The following DLGAP2 variants were observed in gnomAD, a reference collection of about 807,000 sequenced individuals.
DLGAP2 encodes DLG associated protein 2, also known as disks large-associated protein 2.
A neutral mutation model predicts 100.3 loss-of-function variants in DLGAP2; 26 were observed. That is an observed-to-expected ratio of 0.26 (90% CI 0.19 to 0.36). The LOEUF is 0.36. DLGAP2 is among the 10% of genes least tolerant of loss of function. The pLI is 1.00. For synonymous variants in DLGAP2, 886 were observed against 630.1 expected, an observed-to-expected ratio of 1.41 and a Z score of -6.08; for missense variants, 1,858 against 1,453.2, an observed-to-expected ratio of 1.28 and a Z score of -4.53.
chr8:1,619,105 C>G (rs918809850), intron 6 of DLGAP2, among the ~76,000 whole-genome samples: 2 of 152,142 alleles, frequency 1.3e-5, no homozygotes, highest in South Asian at 2.1e-4. Flanking sequence ...GTCTGTCTGA[C>G]AAAGGGCTTG....
intron 3 of DLGAP2, among the ~76,000 whole-genome samples, chr8:1,265,178 A>G (rs1008114659): frequency 6.6e-6 from 1 of 152,230 alleles, no homozygotes; most frequent in African/African-American, 2.4e-5. Context: ...AGACTTGCCT[A>G]GATATTGGAT....
At chr8:900,694 T>C (rs1396596210) in intron 1 of DLGAP2, among the ~76,000 whole-genome samples, 1 of 152,146 alleles carries the variant, frequency 6.6e-6, no homozygotes, top group East Asian at 1.9e-4. Flanking sequence ...AGGAGGCGGC[T>C]GCAGCCCGAA....
At chr8:1,687,089 T>G (rs1032817727) in intron 12 of DLGAP2, among the ~76,000 whole-genome samples, 1 of 152,102 alleles carries the variant, frequency 6.6e-6, no homozygotes, top group African/African-American at 2.4e-5. Context: ...CTGGGAGCCA[T>G]AGCTTAGGCA....
chr8:978,764 G>T (rs1800241493), intron 2 of DLGAP2, among the ~76,000 whole-genome samples: 1 of 152,112 alleles, frequency 6.6e-6, no homozygotes, highest in Non-Finnish European at 1.5e-5. Flanking sequence ...TTTCAATGGT[G>T]GGATTTTCCC....
chr8:872,070 G>T (rs1390125223), intron 1 of DLGAP2, among the ~76,000 whole-genome samples: 1 of 151,968 alleles, frequency 6.6e-6, no homozygotes, highest in African/African-American at 2.4e-5. Context: ...TTATATCATT[G>T]TTTTCATTGC....
intron 2 of DLGAP2, among the ~76,000 whole-genome samples, chr8:1,059,069 A>G (rs1184676985): frequency 2.0e-5 from 3 of 152,180 alleles, no homozygotes; most frequent in Non-Finnish European, 4.4e-5. Flanking sequence ...CCATGTGTCC[A>G]TGTGTCCATG....
chr8:1,218,777 C>T (rs889250858), intron 2 of DLGAP2, among the ~76,000 whole-genome samples: 19 of 152,032 alleles, frequency 1.2e-4, no homozygotes, highest in African/African-American at 4.3e-4. Context: ...AATGTTTTTC[C>T]ATTGACTTGT....
chr8:1,342,966 A>G (rs1232858717), intron 3 of DLGAP2, among the ~76,000 whole-genome samples: 2 of 152,204 alleles, frequency 1.3e-5, no homozygotes, highest in East Asian at 1.9e-4. Context: ...CCTCTGGCAC[A>G]TGGTCGTGCA....
intron 4 of DLGAP2, among the ~76,000 whole-genome samples, chr8:1,543,498 C>A (rs1186140195): frequency 1.3e-5 from 2 of 152,212 alleles, no homozygotes; most frequent in African/African-American, 4.8e-5. Flanking sequence ...ATCACATGTG[C>A]AGGTGCATGT....
At chr8:1,071,996 G>A (rs1038472426) in intron 2 of DLGAP2, among the ~76,000 whole-genome samples, 4 of 152,122 alleles carry the variant, frequency 2.6e-5, no homozygotes, top group Non-Finnish European at 5.9e-5. Context: ...GACATTGGCC[G>A]GCCAGCGCTG....
intron 2 of DLGAP2, among the ~76,000 whole-genome samples, chr8:984,603 T>C (rs1165682622): frequency 6.6e-6 from 1 of 152,188 alleles, no homozygotes; most frequent in African/African-American, 2.4e-5. Flanking sequence ...AGAACAGCTC[T>C]TGACACATCT....
intron 3 of DLGAP2, among the ~76,000 whole-genome samples, chr8:1,345,697 G>C (rs186849103): frequency 4.1e-4 from 63 of 152,306 alleles, no homozygotes; most frequent in African/African-American, 1.5e-3. Flanking sequence ...ATGCACAGAG[G>C]GTGGTGAAGG....
At chr8:1,697,467 C>T (rs565811018) in intron 14 of DLGAP2, among the ~76,000 whole-genome samples, 168 bp downstream of exon 14, 16 of 152,158 alleles carry the variant, frequency 1.1e-4, no homozygotes, top group African/African-American at 2.2e-4. Flanking sequence ...CATGTGTGTG[C>T]GTGTGTGTGC....
intron 2 of DLGAP2, among the ~76,000 whole-genome samples, chr8:1,197,041 G>A (rs969077279): frequency 6.6e-6 from 1 of 152,176 alleles, no homozygotes; most frequent in African/African-American, 2.4e-5. Flanking sequence ...GTCAGGAGGA[G>A]ATGGAGGCCT....
intron 1 of DLGAP2, among the ~76,000 whole-genome samples, chr8:840,671 C>T (rs1796966788): frequency 7.4e-6 from 1 of 135,934 alleles, no homozygotes; most frequent in South Asian, 2.4e-4. Flanking sequence ...GCGAGCGCGT[C>T]CACACGGTGC....
intron 3 of DLGAP2, among the ~76,000 whole-genome samples, chr8:1,441,766 G>C (rs964026940): frequency 6.7e-6 from 1 of 150,062 alleles, no homozygotes. Flanking sequence ...GTGAGAGTGG[G>C]CTTTCAACAG....
chr8:887,890 C>G (rs985432645), intron 1 of DLGAP2, among the ~76,000 whole-genome samples: 3 of 152,134 alleles, frequency 2.0e-5, no homozygotes, highest in Admixed American at 6.6e-5. Context: ...ATGGTGTTCT[C>G]TGTATTTCCT....
chr8:1,255,036 C>CCGGCTGCTGTGTGTGTGTCCTCT (rs1799154583), intron 2 of DLGAP2, among the ~76,000 whole-genome samples: 2 of 64,784 alleles, frequency 3.1e-5, no homozygotes, highest in African/African-American at 4.8e-5. Flanking sequence ...CTTCTCCTGC[C>CCGGCTGCTGTGTGTGTGTCCTCT]CAGCCGCTGT....
chr8:1,089,097 A>G lies in DLGAP2; in HGVS notation c.74-169754A>G, dbSNP rs536012971. ...CACCCCTCGTCCAGCAGGCTATGCA[A>G]TTCTTGCTCCCCGGCCTCACTCTCT... is the stretch of plus-strand genomic sequence containing the variant. On this transcript the variant is annotated intron_variant, in intron 2 of 14. Transcript: ENST00000637795. 6.6e-4 allele frequency among the ~76,000 whole-genome samples: 83 copies of G among 125,494 alleles called. 1 individual carries two copies. The highest frequency in any genetic ancestry group is 2.4e-3 in the African/African-American group (78 of 32,028). The allele number at this position is 125,494 out of a possible 152,430, so 82.3% of individuals were successfully genotyped here. A position where few individuals can be genotyped will look rare whatever the true frequency, so the allele number is the denominator to read the frequency against.
Sources: gnomAD v4.1 joint callset for allele counts (sites outside exome capture counted in the v4.1 genomes callset) on GRCh38, gnomAD v4.1.1 for gene constraint, MANE v1.5 for transcripts, NCBI Gene and HGNC (gene_info 2026-07-23, HGNC 2026-07-21) for gene names.